Variants in CATSPERT observed in about 807,000 individuals in gnomAD.
CATSPERT encodes the protein cation channel sperm-associated targeting subunit tau.
the CATSPERT span, among the ~76,000 whole-genome samples, chr2:201,612,451 G>A: frequency 1.3e-5 from 2 of 152,110 alleles, no homozygotes; most frequent in Admixed American, 6.5e-5. Flanking sequence ...GTGGGTGCCT[G>A]TAATCCCAGC....
At chr2:201,581,995 T>C in the CATSPERT span, 6 of 1,398,814 alleles carry the variant, frequency 4.3e-6, no homozygotes, top group Admixed American at 1.3e-4. Flanking sequence ...TGAAGGCAGA[T>C]AATAAACAAA....
chr2:201,511,156 A>G, the CATSPERT span, among the ~76,000 whole-genome samples: 1 of 152,200 alleles, frequency 6.6e-6, no homozygotes, highest in African/African-American at 2.4e-5. Context: ...TGAGTGTGGG[A>G]TGAGTACTTT....
At chr2:201,561,049 G>A in the CATSPERT span, among the ~76,000 whole-genome samples, 1 of 152,114 alleles carries the variant, frequency 6.6e-6, no homozygotes, top group Non-Finnish European at 1.5e-5. Context: ...CCAAAATGCT[G>A]GAATTACAGG....
At chr2:201,506,603 G>C in the CATSPERT span, among the ~76,000 whole-genome samples, 8 of 152,048 alleles carry the variant, frequency 5.3e-5, no homozygotes, top group Non-Finnish European at 5.9e-5. Flanking sequence ...ATCCAGACTG[G>C]AGTGCACTGG....
the CATSPERT span, chr2:201,604,471 G>T: frequency 2.2e-6 from 1 of 453,478 alleles, no homozygotes; most frequent in Non-Finnish European, 3.8e-6. Flanking sequence ...TAATTTCAGT[G>T]ATTATTACAA....
chr2:201,492,147 C>A, the CATSPERT span: 1 of 1,525,888 alleles, frequency 6.6e-7, no homozygotes, highest in South Asian at 1.2e-5. Context: ...CCTCAGAAAC[C>A]GTTTGTAAAG....
the CATSPERT span, among the ~76,000 whole-genome samples, chr2:201,549,273 C>T: frequency 2.0e-5 from 3 of 151,892 alleles, no homozygotes; most frequent in Admixed American, 2.0e-4. Flanking sequence ...AGGTCACTGC[C>T]CTAATGTATA....
chr2:201,517,377 G>A, the CATSPERT span, among the ~76,000 whole-genome samples: 1 of 152,058 alleles, frequency 6.6e-6, no homozygotes, highest in Admixed American at 6.5e-5. Flanking sequence ...GAAATCCAAG[G>A]AATCTTCTCA....
At chr2:201,556,895 T>G in the CATSPERT span, 2 of 151,560 alleles carry the variant, frequency 1.3e-5, no homozygotes, top group Non-Finnish European at 2.9e-5. Flanking sequence ...AAGTAATATG[T>G]TTATTCTCTT....
the CATSPERT span, among the ~76,000 whole-genome samples, chr2:201,575,661 T>C: frequency 6.6e-6 from 1 of 152,194 alleles, no homozygotes; most frequent in Admixed American, 6.5e-5. Flanking sequence ...AATGCCTGAT[T>C]ATCTGTCACT....
chr2:201,551,342 T>C, the CATSPERT span, among the ~76,000 whole-genome samples: 1 of 152,258 alleles, frequency 6.6e-6, no homozygotes, highest in South Asian at 2.1e-4. Flanking sequence ...TATTTTAAAG[T>C]ACTACTATTT....
chr2:201,513,343 A>G, the CATSPERT span, among the ~76,000 whole-genome samples: 3 of 152,158 alleles, frequency 2.0e-5, no homozygotes, highest in African/African-American at 7.2e-5. Context: ...CAGCATCACT[A>G]ATCATCAGAG....
At chr2:201,595,467 C>T in the CATSPERT span, among the ~76,000 whole-genome samples, 3 of 152,132 alleles carry the variant, frequency 2.0e-5, no homozygotes, top group African/African-American at 4.8e-5. Flanking sequence ...GGATTACAGG[C>T]GTGAGCCACC....
At chr2:201,579,561 G>A in the CATSPERT span, among the ~76,000 whole-genome samples, 2 of 152,104 alleles carry the variant, frequency 1.3e-5, no homozygotes. Context: ...TGGAATTACA[G>A]GTGTGAACCA....
chr2:201,573,900 AC>A, the CATSPERT span, among the ~76,000 whole-genome samples: 2 of 152,066 alleles, frequency 1.3e-5, no homozygotes, highest in African/African-American at 4.8e-5. Flanking sequence ...CAGGTGATTC[AC>A]CCACCTCGGC....
the CATSPERT span, among the ~76,000 whole-genome samples, chr2:201,583,547 A>G: frequency 6.6e-6 from 1 of 152,246 alleles, no homozygotes; most frequent in Non-Finnish European, 1.5e-5. Flanking sequence ...TTGTCATAAC[A>G]TAAACAAATA....
chr2:201,487,776 C>T, the CATSPERT span: 3 of 1,614,108 alleles, frequency 1.9e-6, no homozygotes, highest in Non-Finnish European at 2.5e-6. Context: ...TATGGTCTTG[C>T]AGAGTGTCTG....
At chr2:201,535,827 C>T in the CATSPERT span, 27 of 1,453,818 alleles carry the variant, frequency 1.9e-5, no homozygotes, top group Non-Finnish European at 2.3e-5. Context: ...AATATAAGGG[C>T]AGACACCTTG....
At chr2:201,566,669 G>A in the CATSPERT span, among the ~76,000 whole-genome samples, 1 of 151,982 alleles carries the variant, frequency 6.6e-6, no homozygotes, top group Non-Finnish European at 1.5e-5. Context: ...AAACATACGT[G>A]TGCATGTGTC....
Sources: allele counts gnomAD v4.1 joint callset (sites outside exome capture counted in the v4.1 genomes callset), GRCh38; gene constraint gnomAD v4.1.1; transcripts MANE v1.5; gene names NCBI Gene and HGNC (gene_info 2026-07-23, HGNC 2026-07-21).